Variants in PIBF1 observed in about 807,000 individuals in gnomAD.
PIBF1 encodes the protein progesterone immunomodulatory binding factor 1.
PIBF1 carries 90 observed loss-of-function variants against 112.5 expected under a neutral mutation model. The observed-to-expected ratio is 0.80, with a 90% confidence interval of 0.67 to 0.95. The LOEUF (loss-of-function observed/expected upper bound fraction) is 0.95, where lower values mean the gene tolerates loss of function less well. Among genes scored for constraint, PIBF1 ranks in the 40% least tolerant of loss-of-function variants. The pLI is 0.00. For synonymous variants in PIBF1, 301 were observed against 288.6 expected, an observed-to-expected ratio of 1.04 and a Z score of -0.44; for missense variants, 915 against 852.3, an observed-to-expected ratio of 1.07 and a Z score of -0.92.
chr13:72,816,073 A>C (rs2036257137), intron 5 of PIBF1, among the ~76,000 whole-genome samples: 1 of 152,188 alleles, frequency 6.6e-6, no homozygotes, highest in East Asian at 1.9e-4. Context: ...ATTGCCTCCT[A>C]ATACATCAGT....
intron 5 of PIBF1, among the ~76,000 whole-genome samples, chr13:72,820,283 A>G (rs1451501967): frequency 6.6e-6 from 1 of 152,148 alleles, no homozygotes; most frequent in Non-Finnish European, 1.5e-5. Context: ...TAGCCATAAC[A>G]CTATACTCTC....
At chr13:73,002,304 C>G (rs200858115) in intron 17 of PIBF1, among the ~76,000 whole-genome samples, 2 of 152,282 alleles carry the variant, frequency 1.3e-5, no homozygotes, top group East Asian at 3.9e-4. Context: ...AGAATGAAAG[C>G]TTCACCTCCC....
At chr13:72,970,983 C>T (rs962534234) in intron 15 of PIBF1, among the ~76,000 whole-genome samples, 7 of 152,070 alleles carry the variant, frequency 4.6e-5, no homozygotes, top group African/African-American at 1.7e-4. Context: ...GCCAGTTTAT[C>T]CCCCCACCAT....
chr13:73,008,750 T>C (rs1025554136), intron 17 of PIBF1, among the ~76,000 whole-genome samples: 6 of 152,164 alleles, frequency 3.9e-5, no homozygotes, highest in Non-Finnish European at 8.8e-5. Flanking sequence ...AATAAATGGC[T>C]AGAACCTGTG....
At chr13:72,980,252 G>C (rs1348661327) in intron 16 of PIBF1, among the ~76,000 whole-genome samples, 1 of 152,150 alleles carries the variant, frequency 6.6e-6, no homozygotes, top group Non-Finnish European at 1.5e-5. Context: ...AGACTATATA[G>C]AGTAAGAACA....
intron 9 of PIBF1, among the ~76,000 whole-genome samples, chr13:72,848,574 G>A (rs747923154): frequency 2.8e-4 from 42 of 152,028 alleles, no homozygotes; most frequent in Non-Finnish European, 5.1e-4. Flanking sequence ...GGCCGGGCGC[G>A]GTGGCTCACG....
intron 16 of PIBF1, among the ~76,000 whole-genome samples, chr13:72,977,865 G>A (rs537502794): frequency 1.3e-5 from 2 of 152,068 alleles, no homozygotes; most frequent in East Asian, 3.9e-4. Flanking sequence ...CTTTTTTTGC[G>A]AGAAAATATA....
chr13:72,877,761 T>G (rs938709195), intron 10 of PIBF1, among the ~76,000 whole-genome samples: 12 of 151,788 alleles, frequency 7.9e-5, no homozygotes, highest in African/African-American at 2.9e-4. Flanking sequence ...TTCTTTTTTT[T>G]TTTTTGAGAC....
intron 14 of PIBF1, among the ~76,000 whole-genome samples, chr13:72,943,538 A>G (rs1415518004): frequency 6.6e-6 from 1 of 152,200 alleles, no homozygotes; most frequent in Non-Finnish European, 1.5e-5. Flanking sequence ...TGTGCTGTCA[A>G]TCATGACTTA....
At chr13:72,886,883 A>G (rs928152893) in intron 10 of PIBF1, among the ~76,000 whole-genome samples, 3 of 152,036 alleles carry the variant, frequency 2.0e-5, no homozygotes, top group Non-Finnish European at 4.4e-5. Context: ...GAAATACCCA[A>G]ACTTCTTTTA....
At position 72,825,604 on chromosome 13, in the gene PIBF1, G is replaced by A. The variant is rs149719274; in HGVS notation, c.807-1406G>A. ...CAGCATGTACAGATTTGCATATTCA[G>A]GTTGTGGGGGTGGGTCTGGAACCCA... is the stretch of plus-strand genomic sequence containing the variant. On this transcript the variant is annotated intron_variant, in intron 6 of 17. Coordinates refer to ENST00000326291, the MANE Select transcript of PIBF1 (RefSeq NM_006346.4). 3.4e-3 allele frequency among the ~76,000 whole-genome samples: 525 copies of A among 152,268 alleles called. 2 individuals carry two copies. Among genetic ancestry groups the A allele is most frequent in the African/African-American group, 0.012 (505 of 41,564 alleles).
At chr13:72,992,143 C>T (rs1035557493) in intron 16 of PIBF1, among the ~76,000 whole-genome samples, 1 of 152,124 alleles carries the variant, frequency 6.6e-6, no homozygotes, top group Non-Finnish European at 1.5e-5. Flanking sequence ...CAGTGAGCTA[C>T]AGTCGCATCA....
At chr13:72,923,849 A>G (rs956791550) in intron 13 of PIBF1, among the ~76,000 whole-genome samples, 9 of 152,190 alleles carry the variant, frequency 5.9e-5, no homozygotes, top group African/African-American at 2.2e-4. Flanking sequence ...CTGTAATCCC[A>G]GCTGTTCCAG....
At chr13:72,987,842 ATTTATTTATTTATTTATTTTTTTTTTT>A (rs2043342065) in intron 16 of PIBF1, among the ~76,000 whole-genome samples, 2 of 66,438 alleles carry the variant, frequency 3.0e-5, no homozygotes, top group African/African-American at 1.4e-4. Flanking sequence ...TTTGTAATTT[ATTTATTTATTTATTTATTTTTTTTTTT>A]TTTTTTTTTT....
intron 10 of PIBF1, among the ~76,000 whole-genome samples, chr13:72,869,059 G>A (rs557974570): frequency 6.6e-5 from 10 of 152,152 alleles, no homozygotes; most frequent in African/African-American, 1.4e-4. Flanking sequence ...TCAGTGTGGC[G>A]ATTCCTCAGG....
At chr13:72,790,510 CATAGAT>C (rs1329130294) in intron 2 of PIBF1, among the ~76,000 whole-genome samples, 1 of 140,044 alleles carries the variant, frequency 7.1e-6, no homozygotes, top group Non-Finnish European at 1.5e-5. Flanking sequence ...CACACACACA[CATAGAT>C]AGATAGATAG....
intron 9 of PIBF1, among the ~76,000 whole-genome samples, chr13:72,851,247 G>A (rs1039201626): frequency 2.0e-5 from 3 of 152,144 alleles, no homozygotes; most frequent in Middle Eastern, 3.2e-3. Context: ...TCGCAGCTGC[G>A]GACCCAGGCA....
intron 17 of PIBF1, among the ~76,000 whole-genome samples, chr13:73,013,284 G>C (rs1467230355): frequency 5.3e-4 from 66 of 125,260 alleles, no homozygotes; most frequent in Admixed American, 1.3e-3. Flanking sequence ...CTGGGCGACA[G>C]AGCGAGACTC....
chr13:72,990,321 A>G (rs1038362195), intron 16 of PIBF1, among the ~76,000 whole-genome samples: 1 of 151,494 alleles, frequency 6.6e-6, no homozygotes, highest in Non-Finnish European at 1.5e-5. Context: ...GGAGTTCGAG[A>G]CCAGCCTGGC....
Sources: allele counts gnomAD v4.1 joint callset (sites outside exome capture counted in the v4.1 genomes callset), GRCh38; gene constraint gnomAD v4.1.1; transcripts MANE v1.5; gene names NCBI Gene and HGNC (gene_info 2026-07-23, HGNC 2026-07-21).